Variants in ODAD4 observed in about 807,000 individuals in gnomAD.
The protein encoded by ODAD4 is outer dynein arm docking complex subunit 4.
ODAD4 carries 49 observed loss-of-function variants against 51.8 expected under a neutral mutation model. The ratio of observed to expected loss-of-function variants is 0.95; its 90% CI spans 0.75 to 1.20. The LOEUF is 1.20. Among genes scored for constraint, ODAD4 ranks in the 50% most tolerant of loss-of-function variants. ODAD4 has a pLI of 0.00. For missense variants in ODAD4, 590 were observed against 586.5 expected (o/e 1.01, Z -0.06); for synonymous variants, 235 against 221.3 (o/e 1.06, Z -0.55).
chr17:41,939,752 A>T (rs1277387965), intron 7 of ODAD4, among the ~76,000 whole-genome samples: 2 of 152,178 alleles, frequency 1.3e-5, no homozygotes, highest in African/African-American at 4.8e-5. Flanking sequence ...AGGAGGCTGA[A>T]GGAAGTGGGC....
At chr17:41,948,211 C>A (rs1293547099) in intron 8 of ODAD4, among the ~76,000 whole-genome samples, 5 of 151,964 alleles carry the variant, frequency 3.3e-5, no homozygotes, top group African/African-American at 1.2e-4. Flanking sequence ...CACCCAAAGA[C>A]AAGTACTAAT....
At chr17:41,947,430 A>G (rs1027098652) in intron 8 of ODAD4, among the ~76,000 whole-genome samples, 3,826 of 151,376 alleles carry the variant, frequency 0.025, 154 homozygotes, top group African/African-American at 0.088. Context: ...GGTTGAAGTG[A>G]GCCGAGATCA....
intron 7 of ODAD4, among the ~76,000 whole-genome samples, chr17:41,941,717 C>T (rs2050508705): frequency 6.8e-6 from 1 of 147,912 alleles, no homozygotes; most frequent in South Asian, 2.1e-4. Flanking sequence ...GGAGGCGGAG[C>T]TTGCAGTGAG....
At chr17:41,944,299 G>A (rs1397458434) in intron 7 of ODAD4, among the ~76,000 whole-genome samples, 1 of 151,912 alleles carries the variant, frequency 6.6e-6, no homozygotes, top group Non-Finnish European at 1.5e-5. Flanking sequence ...CGGAGGCGGA[G>A]GCTGCAGTGA....
At chr17:41,961,509 C>T (rs782303108) in intron 11 of ODAD4, 43 bp downstream of exon 11, 4 of 717,768 alleles carry the variant, frequency 5.6e-6, no homozygotes, top group African/African-American at 3.5e-5. Flanking sequence ...AGCATTCTCC[C>T]TCTGCTTTCT....
At chr17:41,948,208 A>T (rs2050611762) in intron 8 of ODAD4, among the ~76,000 whole-genome samples, 1 of 152,074 alleles carries the variant, frequency 6.6e-6, no homozygotes, top group South Asian at 2.1e-4. Flanking sequence ...CACCACCCAA[A>T]GACAAGTACT....
At chr17:41,954,011 A>C (rs1477469278) in intron 9 of ODAD4, among the ~76,000 whole-genome samples, 2 of 148,388 alleles carry the variant, frequency 1.3e-5, no homozygotes, top group African/African-American at 5.0e-5. Flanking sequence ...TTTTTGAGAC[A>C]GTCTTGCTCT....
chr17:41,936,942 G>T lies in ODAD4; in HGVS notation c.625+15G>T, dbSNP rs968633123. 6.2e-7 allele frequency: 1 copy of T among 1,612,290 alleles called. No homozygotes were observed. Among genetic ancestry groups the T allele is most frequent in the Middle Eastern group, 1.7e-4 (1 of 6,018 alleles). ...ATTGGATGAAGGTTTCGGACACTTT[G>T]TTGGCACGGGGCCTTGGGGGAAAGG... is the stretch of plus-strand genomic sequence containing the variant. On this transcript the variant is annotated intron_variant, in intron 5 of 11. Coordinates refer to ENST00000377540, the MANE Select transcript of ODAD4 (RefSeq NM_031421.5).
chr17:41,955,842 C>G (rs1449948565), intron 10 of ODAD4, among the ~76,000 whole-genome samples: 1 of 152,004 alleles, frequency 6.6e-6, no homozygotes, highest in Non-Finnish European at 1.5e-5. Flanking sequence ...GACAGGGTCT[C>G]ACTCCCGTTG....
At position 41,938,737 on chromosome 17, in the gene ODAD4, A is replaced by C; in HGVS notation, c.806A>C (p.Gln269Pro). ...WLRDHKRRPS[Q>P]TAHYILKSLE... ...CGGGACCACAAACGCCGTCCCTCAC[A>C]GACAGCCCATTACATCCTCAAGAGC... The change falls in exon 6 of 12, where the codon CAG becomes CCG. Residue 269 changes from glutamine to proline, a missense_variant. Coordinates refer to ENST00000377540, the MANE Select transcript of ODAD4 (RefSeq NM_031421.5). 1 of 1,613,734 alleles carries C rather than the reference A, an allele frequency of 6.2e-7. No individual in the cohort carries two copies. The highest frequency in any genetic ancestry group is 8.5e-7 in the Non-Finnish European group (1 of 1,179,902).
intron 1 of ODAD4, among the ~76,000 whole-genome samples, chr17:41,934,504 A>G (rs1265165921): frequency 1.3e-5 from 2 of 151,448 alleles, no homozygotes; most frequent in Non-Finnish European, 2.9e-5. Context: ...ATCATGGACC[A>G]CCACGCCCAG....
rs2050432618 is a variant in ODAD4, at chr17:41,936,692, C to T, written c.460-70C>T. 1.9e-6 allele frequency: 3 copies of T among 1,585,390 alleles called. No individual in the cohort carries two copies. The Admixed American group carries it at 5.4e-5, about 28-fold the overall frequency. The stretch of plus-strand genomic sequence containing the variant: ...AGTTGGAGGAATCTGGGATCACAGA[C>T]CCTAGGGCCATGGCTGGGTACACTC... On this transcript the variant is annotated intron_variant, in intron 4 of 11. Transcript: ENST00000377540.
intron 7 of ODAD4, among the ~76,000 whole-genome samples, chr17:41,944,107 G>A (rs1477775819): frequency 1.3e-5 from 2 of 151,424 alleles, no homozygotes; most frequent in South Asian, 2.1e-4. Context: ...TGAGGCAGGA[G>A]AATTACTTGA....
At chr17:41,936,955 C>A (rs1555637957) in intron 5 of ODAD4, 28 bp downstream of exon 5, 1 of 1,608,844 alleles carries the variant, frequency 6.2e-7, no homozygotes, top group Admixed American at 1.7e-5. Context: ...GGCACGGGGC[C>A]TTGGGGGAAA....
At chr17:41,955,812 T>G (rs2050724433) in intron 10 of ODAD4, among the ~76,000 whole-genome samples, 1 of 152,044 alleles carries the variant, frequency 6.6e-6, no homozygotes, top group Non-Finnish European at 1.5e-5. Flanking sequence ...CTTATTTTTA[T>G]TTATTTATTT....
At chr17:41,944,444 A>ACACACACACACACACACACACACC (rs1191101800) in intron 7 of ODAD4, among the ~76,000 whole-genome samples, 1 of 19,548 alleles carries the variant, frequency 5.1e-5, no homozygotes, top group Non-Finnish European at 1.2e-4. Context: ...ACACACACAC[A>ACACACACACACACACACACACACC]CCCCCCCGCA....
intron 8 of ODAD4, among the ~76,000 whole-genome samples, chr17:41,948,928 G>T (rs1432215938): frequency 6.6e-6 from 1 of 152,068 alleles, no homozygotes; most frequent in Non-Finnish European, 1.5e-5. Flanking sequence ...GAGCCACCAC[G>T]CCAGCCTCAA....
chr17:41,941,093 C>G (rs1292444844), intron 7 of ODAD4, among the ~76,000 whole-genome samples: 3 of 152,236 alleles, frequency 2.0e-5, no homozygotes, highest in African/African-American at 7.2e-5. Flanking sequence ...CCTCACTGTT[C>G]ATGCCCAGCA....
intron 9 of ODAD4, among the ~76,000 whole-genome samples, chr17:41,953,668 T>TATATAGAG (rs71155199): frequency 6.9e-6 from 1 of 145,018 alleles, no homozygotes; most frequent in South Asian, 2.2e-4. Context: ...TATATATATA[T>TATATAGAG]AGAGAGAGAG....
Sources: gnomAD v4.1 joint callset for allele counts (sites outside exome capture counted in the v4.1 genomes callset) on GRCh38, gnomAD v4.1.1 for gene constraint, MANE v1.5 for transcripts, NCBI Gene and HGNC (gene_info 2026-07-23, HGNC 2026-07-21) for gene names.